Variants in MAPRE2 observed in about 807,000 individuals in gnomAD.
The protein encoded by MAPRE2 is microtubule-associated protein RP/EB family member 2.
MAPRE2 carries 13 observed loss-of-function variants against 43.2 expected under a neutral mutation model. The observed-to-expected ratio is 0.30, with a 90% CI of 0.20 to 0.48. The LOEUF is 0.48. MAPRE2 is among the 20% of genes least tolerant of loss of function. MAPRE2 has a pLI of 0.99. For synonymous variants in MAPRE2, 135 were observed against 148.8 expected (o/e 0.91, Z 0.68); for missense variants, 161 against 400.2 (o/e 0.40, Z 5.10).
At chr18:35,021,764 C>G (rs979031557) in intron 2 of MAPRE2, among the ~76,000 whole-genome samples, 1 of 152,068 alleles carries the variant, frequency 6.6e-6, no homozygotes, top group Non-Finnish European at 1.5e-5. Flanking sequence ...GAAGAATGAT[C>G]TAAATGGCCT....
At chr18:35,045,854 G>C (rs1008213854) in intron 1 of MAPRE2, among the ~76,000 whole-genome samples, 3 of 152,162 alleles carry the variant, frequency 2.0e-5, no homozygotes, top group Non-Finnish European at 4.4e-5. Context: ...ATTTTTCTTA[G>C]TGTTTGTAAA....
chr18:35,005,365 T>C (rs2097031357), intron 1 of MAPRE2: 1 of 533,230 alleles, frequency 1.9e-6, no homozygotes, highest in African/African-American at 1.9e-5. Context: ...ATATTTGGCG[T>C]GTATTTTTTC....
rs1349649914 is a variant in MAPRE2, at chr18:35,129,375, C to T, written c.750+2288C>T. The stretch of plus-strand genomic sequence containing the variant: ...GGGCGAGGAGAGGCTGAGGGGAGAC[C>T]CTGATGCTGAAGGGTGAAGCACAGT... On this transcript the variant is annotated intron_variant, in intron 5 of 6. Transcript: ENST00000300249. 2.6e-5 allele frequency among the ~76,000 whole-genome samples: 4 copies of T among 152,056 alleles called. 1 individual carries two copies. The highest frequency in any genetic ancestry group is 5.9e-5 in the Non-Finnish European group (4 of 68,014).
chr18:35,001,986 A>G (rs1172707451), intron 1 of MAPRE2, among the ~76,000 whole-genome samples: 4 of 152,168 alleles, frequency 2.6e-5, no homozygotes, highest in South Asian at 2.1e-4. Context: ...TTACAGCACA[A>G]TGTCACAACC....
At chr18:35,014,371 C>T (rs924452637) in intron 2 of MAPRE2, among the ~76,000 whole-genome samples, 4 of 147,312 alleles carry the variant, frequency 2.7e-5, no homozygotes, top group Non-Finnish European at 4.5e-5. Flanking sequence ...TTGTGCTAGT[C>T]TCCCGGGCAG....
intron 2 of MAPRE2, among the ~76,000 whole-genome samples, chr18:35,088,291 G>C (rs1043134678): frequency 1.3e-5 from 2 of 152,150 alleles, no homozygotes; most frequent in African/African-American, 2.4e-5. Context: ...ATGTCAAGAA[G>C]GTCACCATGT....
chr18:35,056,178 TTTG>T (rs1263540686), intron 1 of MAPRE2, among the ~76,000 whole-genome samples: 1 of 152,160 alleles, frequency 6.6e-6, no homozygotes, highest in Non-Finnish European at 1.5e-5. Flanking sequence ...CTACTTTAAG[TTTG>T]TTGTTACTTT....
At chr18:35,043,034 A>G (rs1299838736) in intron 1 of MAPRE2, among the ~76,000 whole-genome samples, 1 of 152,134 alleles carries the variant, frequency 6.6e-6, no homozygotes, top group Non-Finnish European at 1.5e-5. Context: ...CTCATGCCTT[A>G]TGGTTCCAAC....
intron 2 of MAPRE2, among the ~76,000 whole-genome samples, chr18:35,031,708 A>G (rs2097047927): frequency 6.6e-6 from 1 of 152,214 alleles, no homozygotes; most frequent in Non-Finnish European, 1.5e-5. Context: ...CACATCATGG[A>G]CACCTTGCTA....
intron 1 of MAPRE2, among the ~76,000 whole-genome samples, chr18:34,985,067 A>ATT (rs1568961170): frequency 4.3e-4 from 38 of 89,186 alleles, no homozygotes; most frequent in African/African-American, 1.8e-3. Flanking sequence ...TAATATATAA[A>ATT]ATAAAATATA....
intron 5 of MAPRE2, among the ~76,000 whole-genome samples, chr18:35,128,655 G>A (rs916566591): frequency 1.3e-5 from 2 of 152,138 alleles, no homozygotes; most frequent in Non-Finnish European, 2.9e-5. Flanking sequence ...GCATCCATGG[G>A]TTTTCATATC....
At position 35,140,255 on chromosome 18, in the gene MAPRE2, C is replaced by T. The variant is rs775147499; in HGVS notation, c.910-40C>T. Reference sequence around the variant, plus strand: ...CTGGGATGCTGCAGGGCCCCATTCCCAGTCAATTATCTCAGCTGAAACTTC... The same window carrying T: ...CTGGGATGCTGCAGGGCCCCATTCCTAGTCAATTATCTCAGCTGAAACTTC... On this transcript the variant is annotated intron_variant, in intron 6 of 6. Transcript: ENST00000300249. The T allele has an allele frequency of 5.7e-6, 9 of 1,579,982 alleles. 1 individual carries two copies. Among genetic ancestry groups the T allele is most frequent in the Admixed American group, 5.1e-5 (3 of 58,878 alleles).
chr18:35,011,225 T>G (rs373774369), intron 2 of MAPRE2, among the ~76,000 whole-genome samples: 1 of 152,090 alleles, frequency 6.6e-6, no homozygotes, highest in African/African-American at 2.4e-5. Flanking sequence ...AGAACTGGTG[T>G]GCAGAGGCCA....
chr18:34,981,864 A>ATTTAT (rs1444537701), intron 1 of MAPRE2, among the ~76,000 whole-genome samples: 2 of 74,054 alleles, frequency 2.7e-5, no homozygotes, highest in Non-Finnish European at 3.7e-5. Context: ...GACTTTATTT[A>ATTTAT]TTTTTTTTTT....
At chr18:35,102,190 T>C in intron 4 of MAPRE2, 31 bp downstream of exon 4, 1 of 1,505,494 alleles carries the variant, frequency 6.6e-7, no homozygotes, top group Non-Finnish European at 9.0e-7. Context: ...CGGGAGTTGC[T>C]TTCATCTTTG....
chr18:34,985,819 T>G (rs896135723), intron 1 of MAPRE2, among the ~76,000 whole-genome samples: 2 of 144,060 alleles, frequency 1.4e-5, no homozygotes, highest in African/African-American at 5.1e-5. Flanking sequence ...GCTGTCTCTT[T>G]TAACCCCCTA....
At chr18:35,087,374 C>T (rs1907926523) in intron 2 of MAPRE2, among the ~76,000 whole-genome samples, 1 of 152,168 alleles carries the variant, frequency 6.6e-6, no homozygotes. Context: ...TCTTAGTAGG[C>T]ACAGCATCCT....
intron 3 of MAPRE2, among the ~76,000 whole-genome samples, chr18:35,097,837 T>C (rs1174772464): frequency 6.6e-6 from 1 of 152,220 alleles, no homozygotes; most frequent in Non-Finnish European, 1.5e-5. Context: ...TAAAGTGTTA[T>C]TAGTTAAATT....
intron 2 of MAPRE2, among the ~76,000 whole-genome samples, chr18:35,081,471 G>T: frequency 6.6e-6 from 1 of 152,212 alleles, no homozygotes; most frequent in East Asian, 1.9e-4. Context: ...ATTGCTGGAG[G>T]CTTCCTTTGG....
Sources: gnomAD v4.1 joint callset for allele counts (sites outside exome capture counted in the v4.1 genomes callset) on GRCh38, gnomAD v4.1.1 for gene constraint, MANE v1.5 for transcripts, NCBI Gene and HGNC (gene_info 2026-07-23, HGNC 2026-07-21) for gene names.